Variants in ALPL observed in about 807,000 individuals in gnomAD.
ALPL encodes alkaline phosphatase, tissue-nonspecific isozyme.
ALPL carries 42 observed loss-of-function variants against 51.3 expected under a neutral mutation model. The ratio of observed to expected loss-of-function variants is 0.82; its 90% CI spans 0.64 to 1.06. The LOEUF is 1.06. ALPL is among the 50% of genes least tolerant of loss of function. The pLI, the probability that ALPL is intolerant of heterozygous loss-of-function variation, is 0.00. For missense variants in ALPL, 589 were observed against 709.4 expected (o/e 0.83, Z 1.93); for synonymous variants, 279 against 296.4 (o/e 0.94, Z 0.60).
Position 21,564,329 on chromosome 1 carries a change from C to T in ALPL, c.648+113C>T, listed in dbSNP as rs755479390. On this transcript the variant is annotated intron_variant, in intron 6 of 11. Coordinates refer to ENST00000374840, the MANE Select transcript of ALPL (RefSeq NM_000478.6). This position sits in a 1 kb window ranked among gnomAD's most constrained non-coding sequence, Gnocchi z 5.8. Reference sequence around the variant, plus strand: ...AAGCAGCCTGGCCTGGCTCCCCACACACCTGGGAGGCTCCCAGCCCATTAG... The same window carrying T: ...AAGCAGCCTGGCCTGGCTCCCCACATACCTGGGAGGCTCCCAGCCCATTAG... 1.2e-5 allele frequency: 16 copies of T among 1,352,002 alleles called. No homozygotes were observed. Among genetic ancestry groups the T allele is most frequent in the African/African-American group, 2.9e-5 (2 of 69,542 alleles). 83.8% of individuals were successfully genotyped at this position (1,352,002 alleles called of 1,614,324 possible). A position where few individuals can be genotyped will look rare whatever the true frequency, so the allele number is the denominator to read the frequency against.
intron 2 of ALPL, among the ~76,000 whole-genome samples, chr1:21,554,833 C>T (rs1644385572): frequency 7.6e-6 from 1 of 132,372 alleles, no homozygotes; most frequent in East Asian, 3.0e-4. Flanking sequence ...TTCTTTCTTT[C>T]TTTCTTTCTT....
chr1:21,565,560 C>G (rs1644550823), intron 6 of ALPL, among the ~76,000 whole-genome samples: 1 of 144,138 alleles, frequency 6.9e-6, no homozygotes, highest in Admixed American at 7.4e-5. Context: ...GGGACAGGAA[C>G]TTGAAGGAAA....
chr1:21,525,503 C>T lies in ALPL; in HGVS notation c.-105+15986C>T, dbSNP rs138893339. Among the ~76,000 whole-genome samples, 17 of 152,356 alleles carry T rather than the reference C, an allele frequency of 1.1e-4. 1 individual carries two copies. Among genetic ancestry groups the T allele is most frequent in the South Asian group, 6.2e-4 (3 of 4,832 alleles). ...TTCCTGATGGAGCGGCCTCTCCTGG[C>T]GTGCTCACCTGGGTGCTGGCGTCTT... is the stretch of plus-strand genomic sequence containing the variant. On this transcript the variant is annotated intron_variant, in intron 1 of 11. Coordinates refer to ENST00000374840, the MANE Select transcript of ALPL (RefSeq NM_000478.6).
At chr1:21,554,547 G>A (rs2148136293) in intron 2 of ALPL, among the ~76,000 whole-genome samples, 1 of 148,546 alleles carries the variant, frequency 6.7e-6, no homozygotes, top group African/African-American at 2.5e-5. Context: ...CTAGAGTGCA[G>A]TGGCGCCATC....
chr1:21,539,891 C>T (rs946447124), intron 1 of ALPL, among the ~76,000 whole-genome samples: 4 of 152,180 alleles, frequency 2.6e-5, no homozygotes, highest in African/African-American at 4.8e-5. Context: ...CTCCTGACCT[C>T]GTGATCTGCC....
chr1:21,530,392 T>G (rs1246996422), intron 1 of ALPL, among the ~76,000 whole-genome samples: 4 of 152,226 alleles, frequency 2.6e-5, no homozygotes, highest in Non-Finnish European at 4.4e-5. Context: ...ACTTGTGAGC[T>G]TACTCCGTGG....
At chr1:21,554,873 C>CTTTCTT (rs1478489284) in intron 2 of ALPL, among the ~76,000 whole-genome samples, 5 of 105,812 alleles carry the variant, frequency 4.7e-5, no homozygotes, top group South Asian at 7.4e-4. Flanking sequence ...TTCTTTCTTT[C>CTTTCTT]TCTCTTTCTT....
intron 1 of ALPL, among the ~76,000 whole-genome samples, chr1:21,528,982 T>G (rs938028852): frequency 2.6e-5 from 4 of 151,388 alleles, no homozygotes; most frequent in African/African-American, 9.7e-5. Flanking sequence ...AGGCAGAGAA[T>G]TGCTTGAACC....
At chr1:21,537,996 G>A (rs138332102) in intron 1 of ALPL, among the ~76,000 whole-genome samples, 2 of 152,332 alleles carry the variant, frequency 1.3e-5, no homozygotes, top group East Asian at 3.9e-4. Context: ...CAATGAGGGC[G>A]TTGGTGTGAG....
At chr1:21,560,553 TG>T in intron 2 of ALPL, 72 bp from the exon 3 acceptor site, 1 of 1,583,818 alleles carries the variant, frequency 6.3e-7, no homozygotes. Flanking sequence ...CAATCAGAAG[TG>T]GGGGGATCTG....
intron 1 of ALPL, among the ~76,000 whole-genome samples, chr1:21,516,616 C>A (rs2148058015): frequency 6.6e-6 from 1 of 152,336 alleles, no homozygotes; most frequent in South Asian, 2.1e-4. Context: ...ACCCATCCAT[C>A]CATTCAAGGC....
intron 8 of ALPL, among the ~76,000 whole-genome samples, chr1:21,571,048 C>T (rs1644640394): frequency 6.6e-6 from 1 of 152,228 alleles, no homozygotes; most frequent in Admixed American, 6.5e-5. Context: ...CACATGCACA[C>T]AGCCTCTTGC....
intron 4 of ALPL, 59 bp from the exon 5 acceptor site, chr1:21,563,051 G>T (rs938370571): frequency 6.3e-7 from 1 of 1,599,990 alleles, no homozygotes; most frequent in Non-Finnish European, 8.6e-7. Flanking sequence ...GTGTAGGCGG[G>T]GTGGGTGCCA....
At chr1:21,551,610 T>TTGTTAGA (rs1477154845) in intron 1 of ALPL, among the ~76,000 whole-genome samples, 1 of 151,838 alleles carries the variant, frequency 6.6e-6, no homozygotes, top group African/African-American at 2.4e-5. Context: ...CAGTTAAGTG[T>TTGTTAGA]TGTTAGATGT....
chr1:21,575,620 G>T (rs764650717), intron 9 of ALPL, 113 bp from the exon 10 acceptor site: 7 of 1,337,712 alleles, frequency 5.2e-6, no homozygotes, highest in South Asian at 4.7e-5. Context: ...CCCGGCGAAG[G>T]TTCCTGTCCT....
At chr1:21,553,841 T>C in intron 1 of ALPL, 137 bp from the exon 2 acceptor site, 2 of 548,810 alleles carry the variant, frequency 3.6e-6, no homozygotes, top group Non-Finnish European at 6.6e-6. Context: ...GGCATCCCAA[T>C]GTTGAGCCCC....
In ALPL at chr1:21,570,395, G is replaced by A. The variant is rs766600136; in HGVS notation, c.862+21G>A. 14 of 1,612,404 alleles carry A rather than the reference G, an allele frequency of 8.7e-6. No homozygotes were observed. In the South Asian group the frequency reaches 1.4e-4, roughly 16 times the overall value. On this transcript the variant is annotated intron_variant, in intron 8 of 11. Coordinates refer to ENST00000374840, the MANE Select transcript of ALPL (RefSeq NM_000478.6). Reference sequence around the variant, plus strand: ...ATTGGGTAAGTGGAGGGGGTGGAGGGGAGGATGCATGGCTCGGAGCCTGGT... The same window carrying A: ...ATTGGGTAAGTGGAGGGGGTGGAGGAGAGGATGCATGGCTCGGAGCCTGGT...
intron 1 of ALPL, among the ~76,000 whole-genome samples, chr1:21,515,614 C>A (rs759376652): frequency 3.3e-5 from 5 of 152,164 alleles, no homozygotes; most frequent in Admixed American, 6.5e-5. Context: ...ATCTTGAACT[C>A]CTGACCTCAG....
chr1:21,545,129 G>C lies in ALPL; in HGVS notation c.-104-8849G>C, dbSNP rs143936203. Among the ~76,000 whole-genome samples the C allele has an allele frequency of 2.0e-3, 301 of 152,066 alleles. 2 individuals are homozygous for C. The highest frequency in any genetic ancestry group is 7.1e-3 in the African/African-American group (294 of 41,460). ...AATTTAAAAAATAACTAAAAGAAGGGAATTATTAAATCAAATCTAGCCTAA... is the reference window on the plus strand; with the variant it reads ...AATTTAAAAAATAACTAAAAGAAGGCAATTATTAAATCAAATCTAGCCTAA... On this transcript the variant is annotated intron_variant, in intron 1 of 11. Coordinates refer to ENST00000374840, the MANE Select transcript of ALPL (RefSeq NM_000478.6).
Sources: gnomAD v4.1 joint callset for allele counts (sites outside exome capture counted in the v4.1 genomes callset) on GRCh38, gnomAD v4.1.1 for gene constraint, Gnocchi (gnomAD v3.1) non-coding constraint, MANE v1.5 for transcripts, NCBI Gene and HGNC (gene_info 2026-07-23, HGNC 2026-07-21) for gene names.